The following MDFI variants were observed in gnomAD, a reference collection of about 807,000 sequenced individuals.
MDFI encodes MyoD family inhibitor, also known as inhibitor of MyoD family a.
MDFI carries 16 observed loss-of-function variants against 22.3 expected under a neutral mutation model. The observed-to-expected ratio is 0.72, with a 90% CI of 0.49 to 1.09. The LOEUF is 1.09. MDFI is among the 50% of genes least tolerant of loss of function. MDFI has a pLI of 0.00. For synonymous variants in MDFI, 145 were observed against 142.7 expected, an observed-to-expected ratio of 1.02 and a Z score of -0.12; for missense variants, 314 against 326.1, an observed-to-expected ratio of 0.96 and a Z score of 0.29.
intron 2 of MDFI, among the ~76,000 whole-genome samples, chr6:41,643,548 G>GGGAAGGAAGGAAGGAAGGAAGGGAGGAA (rs1767929911): frequency 1.3e-5 from 1 of 75,346 alleles, no homozygotes; most frequent in Non-Finnish European, 2.7e-5. Context: ...GAGGGAAGGA[G>GGGAAGGAAGGAAGGAAGGAAGGGAGGAA]GGAAGGAAGG....
chr6:41,652,412 C>G (rs981713455), intron 4 of MDFI, among the ~76,000 whole-genome samples: 8 of 152,098 alleles, frequency 5.3e-5, no homozygotes, highest in African/African-American at 1.9e-4. Context: ...GACATGTGAA[C>G]CATGGGAGGG....
At chr6:41,643,362 G>A (rs1316679401) in intron 2 of MDFI, among the ~76,000 whole-genome samples, 1 of 152,010 alleles carries the variant, frequency 6.6e-6, no homozygotes, top group Non-Finnish European at 1.5e-5. Context: ...ATGCCCCAGT[G>A]TAACTCTTGC....
At chr6:41,649,549 T>A in intron 3 of MDFI, 70 bp from the exon 4 acceptor site, 1 of 1,379,436 alleles carries the variant, frequency 7.2e-7, no homozygotes, top group Non-Finnish European at 9.9e-7. Context: ...GCAGGCAGGA[T>A]TCGAGCATAG....
At chr6:41,647,921 T>C (rs1423635610) in intron 3 of MDFI, among the ~76,000 whole-genome samples, 24 of 151,402 alleles carry the variant, frequency 1.6e-4, no homozygotes, top group Non-Finnish European at 1.8e-4. Flanking sequence ...CGGGCGCATG[T>C]AGTCCCTAGC....
At chr6:41,643,199 G>T (rs1481570736) in intron 2 of MDFI, among the ~76,000 whole-genome samples, 3 of 152,122 alleles carry the variant, frequency 2.0e-5, no homozygotes, top group African/African-American at 7.2e-5. Flanking sequence ...TCACTCGGGG[G>T]TCTTGATTCC....
Position 41,638,742 on chromosome 6 carries a change from CG to C in MDFI, c.-4del. 1 of 1,563,620 alleles carries C rather than the reference CG, an allele frequency of 6.4e-7. No individual in the cohort carries two copies. ...CGCTGAGCCCTGTTTTCCGCAGGTC[CG>C]GGGCCGATGTACCAGGTGAGCGGCC... On this transcript the variant is annotated 5_prime_UTR_variant, in exon 2 of 5. Coordinates refer to ENST00000230321, the MANE Select transcript of MDFI (RefSeq NM_005586.4). The surrounding 1 kb of genome is among the most constrained non-coding windows in gnomAD (Gnocchi z 7.6).
chr6:41,648,964 C>T (rs895292486), intron 3 of MDFI, among the ~76,000 whole-genome samples: 1 of 152,216 alleles, frequency 6.6e-6, no homozygotes, highest in Non-Finnish European at 1.5e-5. Flanking sequence ...TTCTTGCCTT[C>T]TTCCCTCCCT....
At position 41,638,885 on chromosome 6, in the gene MDFI, G is replaced by C. The variant is rs2127424575; in HGVS notation, c.76+60G>C. On this transcript the variant is annotated intron_variant, in intron 2 of 4. Transcript: ENST00000230321. This position sits in a 1 kb window ranked among gnomAD's most constrained non-coding sequence, Gnocchi z 7.6. ...GGCGGGTGGGCGGCTGAAGGGGCCAGTTATTAGTTCTCCTCTCCGTCCCCA... is the reference window on the plus strand; with the variant it reads ...GGCGGGTGGGCGGCTGAAGGGGCCACTTATTAGTTCTCCTCTCCGTCCCCA... The C allele has an allele frequency of 1.3e-6, 2 of 1,483,492 alleles. No homozygotes were observed. Among genetic ancestry groups the C allele is most frequent in the Non-Finnish European group, 1.8e-6 (2 of 1,108,728 alleles). 91.9% of individuals were successfully genotyped at this position (1,483,492 alleles called of 1,614,324 possible).
At chr6:41,648,489 G>A (rs1022279057) in intron 3 of MDFI, among the ~76,000 whole-genome samples, 3 of 152,174 alleles carry the variant, frequency 2.0e-5, no homozygotes, top group Non-Finnish European at 4.4e-5. Context: ...GGGAGGCACC[G>A]AGGCCACCCT....
chr6:41,649,523 T>G, intron 3 of MDFI, 96 bp from the exon 4 acceptor site: 2 of 1,137,916 alleles, frequency 1.8e-6, no homozygotes, highest in African/African-American at 1.6e-5. Flanking sequence ...TGCTTTGGGG[T>G]ATATGTAAGA....
At chr6:41,642,112 G>A (rs1767873240) in intron 2 of MDFI, among the ~76,000 whole-genome samples, 1 of 152,186 alleles carries the variant, frequency 6.6e-6, no homozygotes, top group Non-Finnish European at 1.5e-5. Flanking sequence ...CCACCCTTGA[G>A]AGGAGGAGTA....
At chr6:41,643,618 G>A (rs2127429401) in intron 2 of MDFI, among the ~76,000 whole-genome samples, 1 of 148,790 alleles carries the variant, frequency 6.7e-6, no homozygotes, top group East Asian at 2.0e-4. Flanking sequence ...GGGAAGGAAG[G>A]AAGGGGAAAG....
At chr6:41,641,342 A>G (rs1194603280) in intron 2 of MDFI, among the ~76,000 whole-genome samples, 1 of 152,338 alleles carries the variant, frequency 6.6e-6, no homozygotes, top group East Asian at 1.9e-4. Context: ...AATTCTTAGC[A>G]ACTGGGTCAG....
chr6:41,644,336 T>G (rs1159524634), intron 2 of MDFI, among the ~76,000 whole-genome samples: 1 of 152,188 alleles, frequency 6.6e-6, no homozygotes, highest in Non-Finnish European at 1.5e-5. Flanking sequence ...TCTCCTGCCC[T>G]GCACAAATCC....
intron 3 of MDFI, 33 bp from the exon 4 acceptor site, chr6:41,649,585 CT>C (rs1175005137): frequency 6.5e-7 from 1 of 1,527,464 alleles, no homozygotes; most frequent in Non-Finnish European, 8.8e-7. Context: ...GACCCCCACC[CT>C]TTTCCCATCA....
intron 2 of MDFI, chr6:41,639,255 A>T (rs1344753186): frequency 7.8e-5 from 77 of 985,236 alleles, no homozygotes; most frequent in South Asian, 3.3e-4. Flanking sequence ...ACCAGAGCCC[A>T]GCGCTTCCCG....
At chr6:41,637,188 G>T (rs996099575), upstream of MDFI, 1 of 152,102 alleles carries the variant, frequency 6.6e-6, no homozygotes, top group African/African-American at 2.4e-5. This position sits in a 1 kb window ranked among gnomAD's most constrained non-coding sequence, Gnocchi z 6.8. Context: ...TCGCTGGGAC[G>T]TGGCCGCGGG....
intron 2 of MDFI, among the ~76,000 whole-genome samples, chr6:41,645,817 CGTGTT>C (rs1191547939): frequency 2.4e-5 from 2 of 82,086 alleles, no homozygotes; most frequent in Non-Finnish European, 5.3e-5. Context: ...TCTGTTCTCC[CGTGTT>C]GTGTTTCTGC....
chr6:41,639,212 T>C (rs1414665668), intron 2 of MDFI: 2 of 984,516 alleles, frequency 2.0e-6, no homozygotes, highest in Non-Finnish European at 2.4e-6. Flanking sequence ...GGGCGTTGTC[T>C]GAATCTTTCT....
Sources: gnomAD v4.1 joint callset for allele counts (sites outside exome capture counted in the v4.1 genomes callset) on GRCh38, gnomAD v4.1.1 for gene constraint, Gnocchi (gnomAD v3.1) non-coding constraint, MANE v1.5 for transcripts, NCBI Gene and HGNC (gene_info 2026-07-23, HGNC 2026-07-21) for gene names.